The following DRC3 variants were observed in gnomAD, a reference collection of about 807,000 sequenced individuals.
The protein encoded by DRC3 is dynein regulatory complex subunit 3.
DRC3 carries 45 observed loss-of-function variants against 57.6 expected under a neutral mutation model. That is an observed-to-expected ratio of 0.78 (90% CI 0.62 to 1.00). The LOEUF is 1.00. Ranked by LOEUF, DRC3 falls within the 50% of genes least tolerant of loss-of-function variation. DRC3 has a pLI of 0.00. For synonymous variants in DRC3, 257 were observed against 272.3 expected, an observed-to-expected ratio of 0.94 and a Z score of 0.55; for missense variants, 655 against 675.2, an observed-to-expected ratio of 0.97 and a Z score of 0.33.
chr17:17,983,489 A>C (rs1162858732), intron 3 of DRC3, among the ~76,000 whole-genome samples: 1 of 152,182 alleles, frequency 6.6e-6, no homozygotes, highest in Non-Finnish European at 1.5e-5. Context: ...AAGGTGGACC[A>C]GCCTCCTGGA....
intron 3 of DRC3, 39 bp from the exon 4 acceptor site, chr17:17,983,789 A>C: frequency 1.4e-6 from 2 of 1,471,266 alleles, no homozygotes; most frequent in Non-Finnish European, 1.9e-6. Context: ...CAAAACTCTG[A>C]CCCTAACCTG....
intron 10 of DRC3, 82 bp from the exon 11 acceptor site, chr17:18,006,101 G>T (rs1197493822): frequency 7.2e-6 from 7 of 969,748 alleles, no homozygotes; most frequent in African/African-American, 1.6e-5. Context: ...AGAGGAGCTG[G>T]TTGCTAAATT....
intron 10 of DRC3, 129 bp from the exon 11 acceptor site, chr17:18,006,054 T>A (rs2043937717): frequency 1.4e-6 from 1 of 694,564 alleles, no homozygotes; most frequent in African/African-American, 1.8e-5. Flanking sequence ...CTCAGGAGGG[T>A]CAAGATGGGT....
intron 9 of DRC3, among the ~76,000 whole-genome samples, chr17:17,998,487 T>C (rs993618936): frequency 2.0e-5 from 3 of 152,238 alleles, no homozygotes; most frequent in African/African-American, 7.2e-5. Flanking sequence ...AGGAAAGCTG[T>C]GGACCTTCTT....
rs1352075042 is a variant in DRC3, at chr17:17,995,113, T to C, written c.824+2T>C. The C allele has an allele frequency of 1.2e-6, 2 of 1,608,142 alleles. No homozygotes were observed. Among genetic ancestry groups the C allele is most frequent in the Non-Finnish European group, 1.7e-6 (2 of 1,174,700 alleles). ...TGGTGTCGGTGAGCTCCTTGAGACA[T>C]ATCCTTCTGAGTTCATGGCTGTCTC... On this transcript the variant is annotated splice_donor_variant, in intron 8 of 13. Transcript: ENST00000399187. LOFTEE classifies it high-confidence loss of function.
At chr17:18,000,587 G>A (rs2043688056) in intron 9 of DRC3, among the ~76,000 whole-genome samples, 1 of 152,104 alleles carries the variant, frequency 6.6e-6, no homozygotes, top group East Asian at 1.9e-4. Flanking sequence ...ATAAGTTGGT[G>A]CAAGTTTGAC....
chr17:17,982,144 C>T (rs1234064189), intron 3 of DRC3, among the ~76,000 whole-genome samples: 2 of 152,098 alleles, frequency 1.3e-5, no homozygotes, highest in East Asian at 3.8e-4. Flanking sequence ...AAGCGCGTGT[C>T]ACCACGCCCA....
chr17:17,988,314 A>G, intron 5 of DRC3: 1 of 573,498 alleles, frequency 1.7e-6, no homozygotes, highest in Non-Finnish European at 3.1e-6. Flanking sequence ...ACTAGTTTAC[A>G]ACCTCCACAT....
Position 17,988,086 on chromosome 17 carries a change from C to T in DRC3, c.432C>T (p.Asp144=), listed in dbSNP as rs369956736. 5 of 1,613,632 alleles carry T rather than the reference C, an allele frequency of 3.1e-6. No homozygotes were observed. Among genetic ancestry groups the T allele is most frequent in the East Asian group, 4.5e-5 (2 of 44,892 alleles). Residue 144 remains aspartate, a synonymous_variant, in exon 5 of 14, where the codon GAC becomes GAT. Coordinates refer to ENST00000399187, the MANE Select transcript of DRC3 (RefSeq NM_031294.4). ...TGTCGCTGGGCAACAACCGGATTGA[C>T]AACATGATGAACGTGAGTGGCCGCC... ...QVLSLGNNRI[D]NMMNIIYLRR...
rs369866635 is a variant in DRC3, at chr17:17,988,108, C to T, written c.444+10C>T. On this transcript the variant is annotated intron_variant, in intron 5 of 13. Coordinates refer to ENST00000399187, the MANE Select transcript of DRC3 (RefSeq NM_031294.4). ...TGACAACATGATGAACGTGAGTGGC[C>T]GCCCAGCCCGCCCTCACGCACACCT... The T allele has an allele frequency of 2.0e-4, 317 of 1,611,324 alleles. No homozygotes were observed. Among genetic ancestry groups the T allele is most frequent in the African/African-American group, 4.9e-4 (37 of 74,990 alleles).
chr17:17,976,930 TA>T (rs1415779682), intron 2 of DRC3, among the ~76,000 whole-genome samples: 2 of 152,178 alleles, frequency 1.3e-5, no homozygotes, highest in Non-Finnish European at 2.9e-5. Flanking sequence ...TCTGCTTAAC[TA>T]TGTACCCAGC....
At chr17:18,007,573 C>A in intron 12 of DRC3, 2 of 1,478,066 alleles carry the variant, frequency 1.4e-6, no homozygotes, top group South Asian at 1.3e-5. Flanking sequence ...CAATGCCATC[C>A]GGTTTGCACC....
At chr17:17,978,463 C>T (rs1253912299) in intron 3 of DRC3, among the ~76,000 whole-genome samples, 1 of 152,156 alleles carries the variant, frequency 6.6e-6, no homozygotes, top group Non-Finnish European at 1.5e-5. Flanking sequence ...GGGCAGGGAT[C>T]CTGAGACCCC....
At chr17:17,994,526 A>C in intron 7 of DRC3, 108 bp downstream of exon 7, 2 of 1,417,744 alleles carry the variant, frequency 1.4e-6, no homozygotes, top group East Asian at 2.5e-5. Context: ...AAACACAGAA[A>C]TCATGCTCCC....
intron 5 of DRC3, among the ~76,000 whole-genome samples, chr17:17,991,397 T>A (rs774869700): frequency 8.0e-5 from 12 of 150,744 alleles, no homozygotes; most frequent in Non-Finnish European, 1.8e-4. Context: ...TTCAAGCGAT[T>A]CTCCTGCCTC....
chr17:17,975,210 CTTTT>C (rs5819639), intron 2 of DRC3, among the ~76,000 whole-genome samples: 2 of 138,006 alleles, frequency 1.4e-5, no homozygotes, highest in Admixed American at 7.4e-5. Flanking sequence ...AGTATAGCAC[CTTTT>C]TTTTTTTTTT....
At chr17:17,988,465 A>G (rs1597579804) in intron 5 of DRC3, 1 of 213,428 alleles carries the variant, frequency 4.7e-6, no homozygotes, top group East Asian at 1.3e-4. Flanking sequence ...TGACCAGCAC[A>G]CACCCCCATA....
chr17:17,975,519 C>T (rs547649933), intron 2 of DRC3, among the ~76,000 whole-genome samples: 1 of 141,316 alleles, frequency 7.1e-6, no homozygotes, highest in African/African-American at 2.6e-5. Context: ...CTCCCCACCC[C>T]CCCCCCAAAA....
intron 6 of DRC3, 58 bp from the exon 7 acceptor site, chr17:17,994,241 G>A (rs2043356347): frequency 1.3e-6 from 2 of 1,542,748 alleles, no homozygotes; most frequent in South Asian, 2.4e-5. Flanking sequence ...CGGCATGGCA[G>A]AGGCGGTGTG....
Sources: gnomAD v4.1 joint callset for allele counts (sites outside exome capture counted in the v4.1 genomes callset) on GRCh38, gnomAD v4.1.1 for gene constraint, MANE v1.5 for transcripts, NCBI Gene and HGNC (gene_info 2026-07-23, HGNC 2026-07-21) for gene names.